THSD7A: variants seen among roughly 807,000 people sequenced by gnomAD.
THSD7A encodes the protein thrombospondin type 1 domain containing 7A.
Under a neutral mutation model 231.3 loss-of-function variants are expected in THSD7A, and 96 were observed. The observed-to-expected ratio is 0.41, with a 90% CI of 0.35 to 0.49. THSD7A has a LOEUF of 0.49. Among genes scored for constraint, THSD7A ranks in the 20% least tolerant of loss-of-function variants. The pLI, the probability that THSD7A is intolerant of heterozygous loss-of-function variation, is 0.05. For synonymous variants in THSD7A, 940 were observed against 743.3 expected (o/e 1.26, Z -4.30); for missense variants, 2,290 against 2,070.2 (o/e 1.11, Z -2.06).
At chr7:11,461,175 G>A (rs980662015) in intron 10 of THSD7A, among the ~76,000 whole-genome samples, 1 of 152,110 alleles carries the variant, frequency 6.6e-6, no homozygotes, top group Non-Finnish European at 1.5e-5. Flanking sequence ...AGCATTGTAG[G>A]AGTATCTCAG....
At chr7:11,687,208 T>A (rs1780084601) in intron 1 of THSD7A, among the ~76,000 whole-genome samples, 1 of 151,870 alleles carries the variant, frequency 6.6e-6, no homozygotes, top group Admixed American at 6.6e-5. Context: ...TATGACAGAA[T>A]CACCAGTCTT....
intron 1 of THSD7A, among the ~76,000 whole-genome samples, chr7:11,796,550 CTTTG>C (rs896907860): frequency 1.1e-4 from 17 of 150,664 alleles, no homozygotes; most frequent in African/African-American, 3.9e-4. Context: ...TTTATGCAGT[CTTTG>C]TTTGATGTTT....
intron 1 of THSD7A, among the ~76,000 whole-genome samples, chr7:11,727,406 T>C (rs1248262705): frequency 1.3e-5 from 2 of 151,988 alleles, no homozygotes; most frequent in Non-Finnish European, 1.5e-5. Context: ...AATCACAAAA[T>C]GATAACACTC....
chr7:11,735,375 T>C (rs922154230), intron 1 of THSD7A, among the ~76,000 whole-genome samples: 2 of 151,832 alleles, frequency 1.3e-5, no homozygotes, highest in South Asian at 2.1e-4. Flanking sequence ...ACTTTTTGAG[T>C]GCCAACATGA....
rs766382443 is a variant in THSD7A, at chr7:11,597,477, C to T, written c.1023-3975G>A. Among the ~76,000 whole-genome samples the T allele has an allele frequency of 2.8e-4, 43 of 152,264 alleles. 1 individual carries two copies. The highest frequency in any genetic ancestry group is 3.4e-3 in the Middle Eastern group (1 of 294). ...AAGCTGCTCTGCCACTTAGGCCATACGACCCCCCATATCCAATGGTGATTG... is the reference window on the plus strand; with the variant it reads ...AAGCTGCTCTGCCACTTAGGCCATATGACCCCCCATATCCAATGGTGATTG... On this transcript the variant is annotated intron_variant, in intron 2 of 27. Coordinates refer to ENST00000423059, the MANE Select transcript of THSD7A (RefSeq NM_015204.3).
chr7:11,546,565 A>G (rs1562706656), intron 4 of THSD7A, among the ~76,000 whole-genome samples: 1 of 152,230 alleles, frequency 6.6e-6, no homozygotes, highest in African/African-American at 2.4e-5. Context: ...AATAAGCCAC[A>G]TTCAACAGAC....
intron 1 of THSD7A, among the ~76,000 whole-genome samples, chr7:11,769,143 ATATATATATAT>A (rs1229734237): frequency 1.1e-4 from 4 of 35,296 alleles, no homozygotes; most frequent in South Asian, 1.0e-3. Context: ...ATATATATAT[ATATATATATAT>A]TTTTTTTTTT....
intron 4 of THSD7A, among the ~76,000 whole-genome samples, chr7:11,586,306 A>G (rs1173787045): frequency 6.6e-6 from 1 of 152,184 alleles, no homozygotes; most frequent in Non-Finnish European, 1.5e-5. Context: ...AAGTCAAAAA[A>G]CATGAAATCA....
intron 1 of THSD7A, among the ~76,000 whole-genome samples, chr7:11,691,097 T>C (rs1317445503): frequency 6.6e-6 from 1 of 151,660 alleles, no homozygotes; most frequent in African/African-American, 2.4e-5. Flanking sequence ...CTTTAAAACA[T>C]GGTCTTAAGG....
rs1026086469 is a variant in THSD7A at position 11,531,712 on chromosome 7, A to G, written c.1822+9707T>C. Reference sequence around the variant, plus strand: ...ACTAGGTTGGAAAAATTGGAAGAGAAACTGACTTTGGAGAAAAGATGATGA... The same window carrying G: ...ACTAGGTTGGAAAAATTGGAAGAGAGACTGACTTTGGAGAAAAGATGATGA... On this transcript the variant is annotated intron_variant, in intron 6 of 27. Coordinates refer to ENST00000423059, the MANE Select transcript of THSD7A (RefSeq NM_015204.3). Among the ~76,000 whole-genome samples, 4 of 152,202 alleles carry G rather than the reference A, an allele frequency of 2.6e-5. No individual in the cohort carries two copies. In the South Asian group the frequency reaches 8.3e-4, roughly 32 times the overall value.
intron 6 of THSD7A, among the ~76,000 whole-genome samples, chr7:11,529,141 T>C (rs1788597910): frequency 6.6e-6 from 1 of 152,194 alleles, no homozygotes; most frequent in Admixed American, 6.6e-5. Flanking sequence ...GCTACAATAC[T>C]TTTTATAAGT....
chr7:11,819,428 G>A (rs1784802451), intron 1 of THSD7A, among the ~76,000 whole-genome samples: 1 of 152,148 alleles, frequency 6.6e-6, no homozygotes, highest in Non-Finnish European at 1.5e-5. Context: ...CCTTTAAATA[G>A]GTAAGTGAAT....
intron 1 of THSD7A, among the ~76,000 whole-genome samples, chr7:11,644,481 G>T (rs942564370): frequency 2.3e-4 from 35 of 151,842 alleles, no homozygotes; most frequent in African/African-American, 8.2e-4. Flanking sequence ...TCTTTGACTT[G>T]AGTTTTAATT....
At chr7:11,579,635 A>C (rs1791070802) in intron 4 of THSD7A, among the ~76,000 whole-genome samples, 1 of 152,138 alleles carries the variant, frequency 6.6e-6, no homozygotes, top group Non-Finnish European at 1.5e-5. Context: ...AACAGTATCT[A>C]TCCTTCCCTA....
chr7:11,795,838 G>C (rs1784107595), intron 1 of THSD7A, among the ~76,000 whole-genome samples: 1 of 151,490 alleles, frequency 6.6e-6, no homozygotes, highest in Non-Finnish European at 1.5e-5. Context: ...GATCAAGGAA[G>C]ATCCAAGCGA....
intron 6 of THSD7A, among the ~76,000 whole-genome samples, chr7:11,495,950 T>C (rs1001429063): frequency 3.9e-5 from 6 of 152,152 alleles, no homozygotes; most frequent in Admixed American, 3.9e-4. Context: ...ATGGAAAGAA[T>C]ACTAATAGAG....
chr7:11,771,916 G>T (rs1021557015), intron 1 of THSD7A, among the ~76,000 whole-genome samples: 1 of 152,020 alleles, frequency 6.6e-6, no homozygotes, highest in Non-Finnish European at 1.5e-5. Flanking sequence ...TCTCTCTCTT[G>T]CTCCTACTCT....
intron 1 of THSD7A, among the ~76,000 whole-genome samples, chr7:11,710,339 C>T (rs532703439): frequency 1.6e-4 from 24 of 150,972 alleles, no homozygotes; most frequent in African/African-American, 5.6e-4. Flanking sequence ...CTTCCTGTAA[C>T]TCACATTTGT....
At chr7:11,409,507 T>C (rs192592526) in intron 19 of THSD7A, among the ~76,000 whole-genome samples, 4 of 152,376 alleles carry the variant, frequency 2.6e-5, no homozygotes, top group African/African-American at 7.2e-5. Context: ...TTTACTCATA[T>C]TCGATGTAAG....
Sources: allele counts gnomAD v4.1 joint callset (sites outside exome capture counted in the v4.1 genomes callset), GRCh38; gene constraint gnomAD v4.1.1; transcripts MANE v1.5; gene names NCBI Gene and HGNC (gene_info 2026-07-23, HGNC 2026-07-21).